Variants in SEPTIN10 observed in about 807,000 individuals in gnomAD.
SEPTIN10 encodes the protein septin 10.
A neutral mutation model predicts 54.8 loss-of-function variants in SEPTIN10; 66 were observed. The observed-to-expected ratio is 1.21, with a 90% CI of 0.99 to 1.48. SEPTIN10 has a LOEUF of 1.48. Among genes scored for constraint, SEPTIN10 ranks in the 40% most tolerant of loss-of-function variants. The probability of loss-of-function intolerance (pLI) is 0.00; values close to 1 mark genes in which losing one functional copy is unlikely to be tolerated. For missense variants in SEPTIN10, 620 were observed against 545.6 expected (o/e 1.14, Z -1.36); for synonymous variants, 161 against 181.0 (o/e 0.89, Z 0.89).
At chr2:109,556,584 C>T (rs2060401) in intron 8 of SEPTIN10, among the ~76,000 whole-genome samples, 6,882 of 152,092 alleles carry the variant, frequency 0.045, 479 homozygotes, top group African/African-American at 0.15. Context: ...GTGCAAAATA[C>T]CCTAGACATC....
intron 4 of SEPTIN10, among the ~76,000 whole-genome samples, chr2:109,575,425 T>C (rs1032217976): frequency 2.6e-5 from 4 of 152,256 alleles, no homozygotes; most frequent in African/African-American, 9.6e-5. Context: ...CACGTTTTTA[T>C]TTTTATTTAA....
At chr2:109,589,106 TTTTGTTTG>T (rs910047204) in intron 2 of SEPTIN10, among the ~76,000 whole-genome samples, 120 of 150,816 alleles carry the variant, frequency 8.0e-4, no homozygotes, top group African/African-American at 3.0e-3. Context: ...TTTGTGGTTT[TTTTGTTTG>T]TTTGTTTGTT....
In SEPTIN10 at chr2:109,573,019, G is replaced by T. The variant is rs140404414; in HGVS notation, c.600+1562C>A. ...TATTTAAATCACCAAATTTGGAAAA[G>T]ATTAGATAATATATACTTACACAGT... On this transcript the variant is annotated intron_variant, in intron 5 of 10. Transcript: ENST00000397712. 2.6e-5 allele frequency among the ~76,000 whole-genome samples: 4 copies of T among 152,276 alleles called. No individual in the cohort carries two copies. The East Asian group carries it at 5.8e-4, about 22-fold the overall frequency.
chr2:109,560,162 C>T (rs866034916), intron 8 of SEPTIN10, among the ~76,000 whole-genome samples: 14 of 152,088 alleles, frequency 9.2e-5, no homozygotes, highest in African/African-American at 3.4e-4. Context: ...CCTCGTGATC[C>T]GCCCGCCTCA....
intron 5 of SEPTIN10, among the ~76,000 whole-genome samples, chr2:109,572,131 T>TC (rs1261279755): frequency 1.3e-5 from 2 of 152,102 alleles, no homozygotes; most frequent in Non-Finnish European, 2.9e-5. Context: ...GCTCCCCACC[T>TC]CTTTTTTTTT....
At chr2:109,610,724 A>G (rs1483859890) in intron 1 of SEPTIN10, among the ~76,000 whole-genome samples, 3 of 152,308 alleles carry the variant, frequency 2.0e-5, no homozygotes, top group Non-Finnish European at 4.4e-5. Flanking sequence ...TTCAAAAAAA[A>G]AGAGAGAAAT....
chr2:109,580,156 A>G (rs2105618225), intron 4 of SEPTIN10, among the ~76,000 whole-genome samples: 1 of 151,820 alleles, frequency 6.6e-6, no homozygotes, highest in African/African-American at 2.4e-5. Context: ...ACAGGCTAAA[A>G]AAACTTCACT....
rs540422038 is a variant in SEPTIN10, at chr2:109,569,539, C to T, written c.601-1563G>A. Among the ~76,000 whole-genome samples the T allele has an allele frequency of 9.5e-4, 144 of 151,950 alleles. 1 individual carries two copies. Among genetic ancestry groups the T allele is most frequent in the African/African-American group, 3.4e-3 (143 of 41,452 alleles). ...CCAAGTATATATCTGAATTTATCAG[C>T]CTTCCATATGCTCCCAAGGAGAGAA... On this transcript the variant is annotated intron_variant, in intron 5 of 10. Coordinates refer to ENST00000397712, the MANE Select transcript of SEPTIN10 (RefSeq NM_144710.5).
intron 2 of SEPTIN10, among the ~76,000 whole-genome samples, chr2:109,589,825 C>T (rs113992410): frequency 0.016 from 2,475 of 151,850 alleles, 58 homozygotes; most frequent in African/African-American, 0.056. Context: ...AGTTTTATTC[C>T]CAATGGTCAA....
chr2:109,609,791 G>A (rs981713936), intron 1 of SEPTIN10, among the ~76,000 whole-genome samples: 7 of 152,042 alleles, frequency 4.6e-5, no homozygotes, highest in Admixed American at 1.3e-4. Flanking sequence ...TGACAAATGC[G>A]GACAGGAATT....
rs1413599483 is a variant in SEPTIN10, at chr2:109,564,071, G to T, written c.1028+295C>A. On this transcript the variant is annotated intron_variant, in intron 8 of 10. Transcript: ENST00000397712. ...TACAAAAAGAAATCAAATAATGAGG[G>T]TATTTTCCTTCAGTTACTCATGTCA... The T allele has an allele frequency of 1.0e-4, 31 of 301,194 alleles. No homozygotes were observed. The East Asian group carries it at 1.7e-3, about 17-fold the overall frequency. The allele number at this position is 301,194 out of a possible 1,614,324, so 18.7% of individuals were successfully genotyped here.
chr2:109,574,773 A>G lies in SEPTIN10; in HGVS notation c.414-6T>C, dbSNP rs771848344. ...AGTCAACTATTGGTTGGTAGCTGAA[A>G]AATTATTTAAATGTTTAATACAACA... is the stretch of plus-strand genomic sequence containing the variant. On this transcript the variant is annotated splice_region_variant and splice_polypyrimidine_tract_variant and intron_variant, in intron 4 of 10. Transcript: ENST00000397712. The G allele has an allele frequency of 6.4e-7, 1 of 1,559,672 alleles. No individual in the cohort carries two copies. Among genetic ancestry groups the G allele is most frequent in the Non-Finnish European group, 8.7e-7 (1 of 1,154,600 alleles).
intron 1 of SEPTIN10, among the ~76,000 whole-genome samples, chr2:109,603,712 T>C (rs1337249276): frequency 6.6e-6 from 1 of 152,096 alleles, no homozygotes; most frequent in South Asian, 2.1e-4. Context: ...GAAATCTACA[T>C]AGTCAGAGAA....
At chr2:109,567,138 G>A (rs1008188709) in intron 6 of SEPTIN10, among the ~76,000 whole-genome samples, 2 of 152,106 alleles carry the variant, frequency 1.3e-5, no homozygotes, top group Non-Finnish European at 2.9e-5. Context: ...CTTAACAAAG[G>A]TGACATCATT....
At chr2:109,604,389 A>AGGGGAGGGGAGGGGC (rs1458364812) in intron 1 of SEPTIN10, among the ~76,000 whole-genome samples, 1 of 26,712 alleles carries the variant, frequency 3.7e-5, no homozygotes, top group African/African-American at 1.5e-4. Flanking sequence ...AGGGAAGGGG[A>AGGGGAGGGGAGGGGC]GGGGCGGGGC....
intron 4 of SEPTIN10, among the ~76,000 whole-genome samples, chr2:109,583,358 A>ACAT (rs1691670923): frequency 6.6e-6 from 1 of 152,220 alleles, no homozygotes; most frequent in Non-Finnish European, 1.5e-5. Flanking sequence ...AAAGACATGG[A>ACAT]CATACAAGCA....
intron 2 of SEPTIN10, among the ~76,000 whole-genome samples, chr2:109,592,089 C>T (rs1694198091): frequency 1.3e-5 from 2 of 152,144 alleles, no homozygotes; most frequent in South Asian, 4.1e-4. Flanking sequence ...AGGGAGGCAG[C>T]TGGCAGGACC....
At chr2:109,607,851 AC>A (rs1374266006) in intron 1 of SEPTIN10, among the ~76,000 whole-genome samples, 21 of 152,320 alleles carry the variant, frequency 1.4e-4, no homozygotes, top group African/African-American at 5.1e-4. Context: ...TAGGAAAGTC[AC>A]CCACTGACTA....
Position 109,574,651 on chromosome 2 carries a change from T to C in SEPTIN10, c.530A>G (p.Tyr177Cys), listed in dbSNP as rs1689220813. ...AGAGTGGCCTGTCGGTGAAATGAAG[T>C]AGAGACACACATGGATGCGAGAATC... ...YHDSRIHVCL[Y>C]FISPTGHSLK... Residue 177 changes from tyrosine (Y) to cysteine (C), a missense_variant, in exon 5 of 11, where the codon TAC becomes TGC. By Grantham distance (194) the Tyr-to-Cys change is radical. Coordinates refer to ENST00000397712, the MANE Select transcript of SEPTIN10 (RefSeq NM_144710.5). The C allele has an allele frequency of 5.0e-6, 8 of 1,607,664 alleles. No individual in the cohort carries two copies. The Admixed American group carries it at 5.1e-5, about 10-fold the overall frequency.
Sources: gnomAD v4.1 joint callset for allele counts (sites outside exome capture counted in the v4.1 genomes callset) on GRCh38, gnomAD v4.1.1 for gene constraint, MANE v1.5 for transcripts, NCBI Gene and HGNC (gene_info 2026-07-23, HGNC 2026-07-21) for gene names.